The following ETV6 variants were observed in gnomAD, a reference collection of about 807,000 sequenced individuals.
ETV6 encodes ETS variant transcription factor 6, also known as transcription factor ETV6.
Under a neutral mutation model 51.1 loss-of-function variants are expected in ETV6, and 16 were observed. That is an observed-to-expected ratio of 0.31 (90% CI 0.21 to 0.48). The LOEUF (loss-of-function observed/expected upper bound fraction) is 0.48, where lower values mean the gene tolerates loss of function less well. Ranked by LOEUF, ETV6 falls within the 20% of genes least tolerant of loss-of-function variation. The probability of loss-of-function intolerance (pLI) is 0.99; values close to 1 mark genes in which losing one functional copy is unlikely to be tolerated. For missense variants in ETV6, 458 were observed against 594.8 expected (o/e 0.77, Z 2.39); for synonymous variants, 240 against 224.1 (o/e 1.07, Z -0.64).
chr12:11,859,129 T>C (rs1313064632), intron 4 of ETV6, among the ~76,000 whole-genome samples: 1,422 of 18,374 alleles, frequency 0.077, 541 homozygotes, highest in Non-Finnish European at 0.12. Flanking sequence ...GTTTTTTTTT[T>C]TTTTTTTTTT....
intron 6 of ETV6, 33 bp from the exon 7 acceptor site, chr12:11,885,893 C>A: frequency 2.0e-6 from 3 of 1,514,794 alleles, no homozygotes; most frequent in Non-Finnish European, 2.7e-6. Flanking sequence ...TGTCTTTGTG[C>A]TTTTTTTCTC....
intron 1 of ETV6, among the ~76,000 whole-genome samples, chr12:11,698,609 A>G (rs1864922748): frequency 6.6e-6 from 1 of 151,278 alleles, no homozygotes; most frequent in Non-Finnish European, 1.5e-5. Flanking sequence ...TTCAACAACT[A>G]GCAAGGGAGT....
intron 5 of ETV6, among the ~76,000 whole-genome samples, chr12:11,884,061 CT>C (rs1203310887): frequency 6.6e-6 from 1 of 152,208 alleles, no homozygotes; most frequent in Non-Finnish European, 1.5e-5. Flanking sequence ...TCTTTCCACC[CT>C]TTTTTCCTTC....
At chr12:11,704,262 GAGA>G (rs981193777) in intron 1 of ETV6, among the ~76,000 whole-genome samples, 1 of 152,232 alleles carries the variant, frequency 6.6e-6, no homozygotes, top group African/African-American at 2.4e-5. Context: ...GGATCATGGG[GAGA>G]AGAGTGCTGC....
rs368668735 is a variant in ETV6, at chr12:11,699,678, G to A, written c.33+49518G>A. On this transcript the variant is annotated intron_variant, in intron 1 of 7. Transcript: ENST00000396373. ...GGGTGATAGAATGGAGCAGCTGTAG[G>A]ATGGAGGTAAAGAGGATAGGAAAAT... Among the ~76,000 whole-genome samples, 219 of 152,248 alleles carry A rather than the reference G, an allele frequency of 1.4e-3. 1 individual carries two copies. The highest frequency in any genetic ancestry group is 4.9e-3 in the African/African-American group (205 of 41,550).
intron 4 of ETV6, among the ~76,000 whole-genome samples, chr12:11,868,148 G>T (rs1946819074): frequency 6.6e-6 from 1 of 152,194 alleles, no homozygotes; most frequent in Non-Finnish European, 1.5e-5. Context: ...AGTTCAGTAA[G>T]ATTGTCATTC....
chr12:11,679,598 G>A (rs1454075612), intron 1 of ETV6, among the ~76,000 whole-genome samples: 3 of 152,048 alleles, frequency 2.0e-5, no homozygotes, highest in East Asian at 1.9e-4. Flanking sequence ...ATGTTTCTCC[G>A]GTCTATAAAT....
intron 1 of ETV6, among the ~76,000 whole-genome samples, chr12:11,657,724 G>A (rs911337194): frequency 2.6e-5 from 4 of 152,210 alleles, no homozygotes; most frequent in South Asian, 2.1e-4. Flanking sequence ...CAAAAAGGAC[G>A]CATTGCCCTG....
chr12:11,690,580 G>T (rs1007325144), intron 1 of ETV6, among the ~76,000 whole-genome samples: 3 of 151,938 alleles, frequency 2.0e-5, no homozygotes, highest in African/African-American at 7.3e-5. Flanking sequence ...AACGGAGCAA[G>T]ACTCTGTCTC....
chr12:11,748,652 G>A (rs1036146829), intron 1 of ETV6, among the ~76,000 whole-genome samples: 2 of 152,178 alleles, frequency 1.3e-5, no homozygotes, highest in Non-Finnish European at 1.5e-5. Context: ...TATGCAACCT[G>A]AGGGTGGGTG....
chr12:11,713,972 T>C (rs1591626767), intron 1 of ETV6, among the ~76,000 whole-genome samples: 1 of 152,246 alleles, frequency 6.6e-6, no homozygotes, highest in Non-Finnish European at 1.5e-5. Context: ...GGATGTGGAC[T>C]GGTGGCATCA....
intron 1 of ETV6, among the ~76,000 whole-genome samples, chr12:11,703,299 T>G (rs1349165219): frequency 6.6e-6 from 1 of 150,614 alleles, no homozygotes; most frequent in African/African-American, 2.4e-5. Flanking sequence ...TGTTAACCTT[T>G]GCATTAGTCA....
intron 1 of ETV6, among the ~76,000 whole-genome samples, chr12:11,686,720 GT>G (rs2120769871): frequency 6.6e-6 from 1 of 152,184 alleles, no homozygotes; most frequent in South Asian, 2.1e-4. Context: ...TAGAGATGGG[GT>G]TTCACCATTT....
At chr12:11,884,652 G>A (rs1386514871) in intron 6 of ETV6, 65 bp downstream of exon 6, 4 of 1,589,000 alleles carry the variant, frequency 2.5e-6, no homozygotes, top group African/African-American at 2.7e-5. Flanking sequence ...TCCCTGGATT[G>A]GAGGATAATC....
chr12:11,743,262 G>A (rs987418344), intron 1 of ETV6, among the ~76,000 whole-genome samples: 1 of 152,180 alleles, frequency 6.6e-6, no homozygotes, highest in African/African-American at 2.4e-5. Flanking sequence ...TATTTTGGTA[G>A]TAAACATTTT....
intron 1 of ETV6, among the ~76,000 whole-genome samples, chr12:11,707,602 T>G (rs1865096703): frequency 6.6e-6 from 1 of 152,156 alleles, no homozygotes; most frequent in African/African-American, 2.4e-5. Context: ...TTCCTTTTAG[T>G]GTATGGAAAG....
At position 11,883,276 on chromosome 12, in the gene ETV6, C is replaced by CTTTTTTT. The variant is rs547786286; in HGVS notation, c.1010-1140_1010-1134dup. On this transcript the variant is annotated intron_variant, in intron 5 of 7. Coordinates refer to ENST00000396373, the MANE Select transcript of ETV6 (RefSeq NM_001987.5). ...GGGAAGGTGTACATCATGTCTTCTT[C>CTTTTTTT]TTTTTTTTTTTTTTTTTTTTTTTTT... Among the ~76,000 whole-genome samples the CTTTTTTT allele has an allele frequency of 1.7e-3, 134 of 79,050 alleles. 1 individual carries two copies. Among genetic ancestry groups the CTTTTTTT allele is most frequent in the East Asian group, 3.5e-3 (9 of 2,588 alleles). 51.9% of individuals were successfully genotyped at this position (79,050 alleles called of 152,430 possible).
intron 1 of ETV6, among the ~76,000 whole-genome samples, 175 bp downstream of exon 1, chr12:11,650,335 C>G (rs1565472497): frequency 9.6e-6 from 1 of 103,992 alleles, no homozygotes; most frequent in Non-Finnish European, 2.1e-5. Context: ...TTTAGCGTAA[C>G]CTTGCTACTC....
intron 2 of ETV6, among the ~76,000 whole-genome samples, chr12:11,806,864 CTG>C (rs1324363483): frequency 6.6e-6 from 1 of 152,244 alleles, no homozygotes; most frequent in Non-Finnish European, 1.5e-5. Context: ...GAGCTCAACT[CTG>C]TGACCTCACC....
Sources: gnomAD v4.1 joint callset for allele counts (sites outside exome capture counted in the v4.1 genomes callset) on GRCh38, gnomAD v4.1.1 for gene constraint, MANE v1.5 for transcripts, NCBI Gene and HGNC (gene_info 2026-07-23, HGNC 2026-07-21) for gene names.